Variants in XPNPEP3 observed in about 807,000 individuals in gnomAD.
XPNPEP3 encodes X-prolyl aminopeptidase 3.
XPNPEP3 carries 41 observed loss-of-function variants against 60.0 expected under a neutral mutation model. The ratio of observed to expected loss-of-function variants is 0.68; its 90% confidence interval spans 0.53 to 0.89. The LOEUF is 0.89. Among genes scored for constraint, XPNPEP3 ranks in the 40% least tolerant of loss-of-function variants. XPNPEP3 has a pLI of 0.00. For synonymous variants in XPNPEP3, 212 were observed against 223.2 expected (o/e 0.95, Z 0.45); for missense variants, 598 against 638.9 (o/e 0.94, Z 0.69).
Position 40,924,361 on chromosome 22 carries a change from G to C in XPNPEP3, c.1237-1G>C. On this transcript the variant is annotated splice_acceptor_variant, in intron 8 of 9. Coordinates refer to ENST00000357137, the MANE Select transcript of XPNPEP3 (RefSeq NM_022098.4). LOFTEE classifies it high-confidence loss of function. ...GATACTGTGACAATTATCTTTTCCA[G>C]GCTGCTCGAAAATACTGTCCTCATC... The C allele has an allele frequency of 6.2e-7, 1 of 1,614,090 alleles. No individual in the cohort carries two copies. The highest frequency in any genetic ancestry group is 8.5e-7 in the Non-Finnish European group (1 of 1,180,000).
intron 4 of XPNPEP3, among the ~76,000 whole-genome samples, chr22:40,904,314 G>A (rs1221644102): frequency 6.6e-6 from 1 of 152,172 alleles, no homozygotes; most frequent in Non-Finnish European, 1.5e-5. Flanking sequence ...GCAAGATTAG[G>A]CATTTGATCA....
intron 2 of XPNPEP3, 23 bp from the exon 3 acceptor site, chr22:40,881,747 T>TTTTA (rs1380139390): frequency 6.2e-7 from 1 of 1,613,456 alleles, no homozygotes; most frequent in Non-Finnish European, 8.5e-7. Context: ...ATGTAAAGCA[T>TTTTA]CCCTTTTATT....
Position 40,931,489 on chromosome 22 carries a change from TGGTCACTTGA to T in XPNPEP3, c.*5056_*5065del, listed in dbSNP as rs1488670928. ...AGCACTTTGGGAGACCAAGGAGGGA[TGGTCACTTGA>T]GCCCAGGAGTTTGAGACCAGCCTAG... On this transcript the variant is annotated 3_prime_UTR_variant, in exon 10 of 10. Transcript: ENST00000357137. The T allele has an allele frequency of 6.6e-6, 1 of 152,194 alleles. No homozygotes were observed. The highest frequency in any genetic ancestry group is 6.6e-5 in the Admixed American group (1 of 15,254). 9.4% of individuals were successfully genotyped at this position (152,194 alleles called of 1,614,324 possible). A position where few individuals can be genotyped will look rare whatever the true frequency, so the allele number is the denominator to read the frequency against.
chr22:40,926,530 A>C lies in XPNPEP3; in HGVS notation c.*95A>C. The stretch of plus-strand genomic sequence containing the variant: ...TCTGAGTGTCTCTGTGTGTGCATTA[A>C]TATATGCATTCCATTTGGGAGCATA... On this transcript the variant is annotated 3_prime_UTR_variant, in exon 10 of 10. Coordinates refer to ENST00000357137, the MANE Select transcript of XPNPEP3 (RefSeq NM_022098.4). 7.1e-7 allele frequency: 1 copy of C among 1,413,276 alleles called. No individual in the cohort carries two copies. The highest frequency in any genetic ancestry group is 1.7e-5 in the Admixed American group (1 of 59,682). 87.5% of individuals were successfully genotyped at this position (1,413,276 alleles called of 1,614,324 possible).
At chr22:40,906,740 A>C (rs1381503167) in intron 4 of XPNPEP3, among the ~76,000 whole-genome samples, 3 of 152,248 alleles carry the variant, frequency 2.0e-5, no homozygotes, top group African/African-American at 7.2e-5. Flanking sequence ...ACAAATGTAT[A>C]TCTTAGTATG....
chr22:40,895,999 A>G (rs755055565), intron 4 of XPNPEP3, among the ~76,000 whole-genome samples: 2 of 152,186 alleles, frequency 1.3e-5, no homozygotes, highest in Non-Finnish European at 2.9e-5. Flanking sequence ...TTCATCTCTT[A>G]CCATGCTGAT....
chr22:40,923,911 G>A (rs2058225496), intron 8 of XPNPEP3, among the ~76,000 whole-genome samples: 1 of 152,116 alleles, frequency 6.6e-6, no homozygotes. Context: ...TTCTCCACAA[G>A]TTGCTGTGAG....
intron 7 of XPNPEP3, among the ~76,000 whole-genome samples, chr22:40,919,812 C>A (rs1039123281): frequency 6.6e-6 from 1 of 152,134 alleles, no homozygotes; most frequent in African/African-American, 2.4e-5. Flanking sequence ...TCTGTTCATA[C>A]AATGGAATAC....
intron 1 of XPNPEP3, 70 bp downstream of exon 1, chr22:40,857,315 C>G: frequency 6.4e-7 from 1 of 1,568,878 alleles, no homozygotes; most frequent in South Asian, 1.1e-5. Flanking sequence ...CTCAGGCGAT[C>G]CCTGGTTCGG....
At chr22:40,894,157 A>T (rs1181432606) in intron 4 of XPNPEP3, among the ~76,000 whole-genome samples, 1 of 152,186 alleles carries the variant, frequency 6.6e-6, no homozygotes, top group Non-Finnish European at 1.5e-5. Context: ...TTCTGTGAGT[A>T]GCCACTGCAC....
intron 1 of XPNPEP3, among the ~76,000 whole-genome samples, chr22:40,863,371 G>A (rs2057961765): frequency 6.6e-6 from 1 of 152,166 alleles, no homozygotes; most frequent in Non-Finnish European, 1.5e-5. Flanking sequence ...TATTGTCTGA[G>A]AAAATTCCCT....
chr22:40,926,352 A>G lies in XPNPEP3; in HGVS notation c.1441A>G (p.Thr481Ala). The change falls in exon 10 of 10, where the codon ACT becomes GCT. Residue 481 changes from threonine (T) to alanine (A), a missense_variant. By Grantham distance (58) the Thr-to-Ala change is moderately conservative. Transcript: ENST00000357137. ...ACGAATTGAGGATGATGTAGTGGTGACTCAGGACTCACCTCTCATCCTTTC... is the reference window on the plus strand; with the variant it reads ...ACGAATTGAGGATGATGTAGTGGTGGCTCAGGACTCACCTCTCATCCTTTC... Reference protein sequence around the residue: ...GVRIEDDVVVTQDSPLILSAD... With the variant: ...GVRIEDDVVVAQDSPLILSAD... The G allele has an allele frequency of 6.2e-7, 1 of 1,614,142 alleles. No individual in the cohort carries two copies. Among genetic ancestry groups the G allele is most frequent in the Non-Finnish European group, 8.5e-7 (1 of 1,180,032 alleles).
Position 40,930,574 on chromosome 22 carries a change from T to C in XPNPEP3, c.*4139T>C, listed in dbSNP as rs2058251299. ...CATTTATTTGTGTTGAGCCTTTAGT[T>C]CTTTTTTTTTTTTGAGATAGAGTCT... On this transcript the variant is annotated 3_prime_UTR_variant, in exon 10 of 10. Coordinates refer to ENST00000357137, the MANE Select transcript of XPNPEP3 (RefSeq NM_022098.4). 1 of 151,620 alleles carries C rather than the reference T, an allele frequency of 6.6e-6. No homozygotes were observed. The highest frequency in any genetic ancestry group is 1.5e-5 in the Non-Finnish European group (1 of 67,928). 9.4% of individuals were successfully genotyped at this position (151,620 alleles called of 1,614,324 possible). A position where few individuals can be genotyped will look rare whatever the true frequency, so the allele number is the denominator to read the frequency against.
intron 4 of XPNPEP3, among the ~76,000 whole-genome samples, chr22:40,896,326 G>T (rs996559572): frequency 6.6e-6 from 1 of 152,082 alleles, no homozygotes; most frequent in Non-Finnish European, 1.5e-5. Context: ...ACCATGCCTG[G>T]CCTCTGTGTG....
chr22:40,862,461 T>TA (rs2057956129), intron 1 of XPNPEP3: 3 of 986,544 alleles, frequency 3.0e-6, no homozygotes, highest in Non-Finnish European at 3.6e-6. Flanking sequence ...AGTACTGACT[T>TA]ACGGGTGAAG....
intron 1 of XPNPEP3, among the ~76,000 whole-genome samples, chr22:40,859,260 G>A (rs146575126): frequency 1.1e-3 from 160 of 152,296 alleles, no homozygotes; most frequent in Non-Finnish European, 1.8e-3. Context: ...TGGCTGGCTC[G>A]TGGAGGGCCT....
At chr22:40,887,351 A>G (rs922357852) in intron 4 of XPNPEP3, among the ~76,000 whole-genome samples, 3 of 152,094 alleles carry the variant, frequency 2.0e-5, no homozygotes, top group Non-Finnish European at 4.4e-5. Context: ...ATTAGGAATC[A>G]CCAGTGTTGT....
At chr22:40,926,195 A>T in intron 9 of XPNPEP3, 74 bp from the exon 10 acceptor site, 2 of 1,500,972 alleles carry the variant, frequency 1.3e-6, no homozygotes, top group South Asian at 2.3e-5. Flanking sequence ...TTTAACCCAG[A>T]GGTTAACTTA....
At chr22:40,868,446 T>TGTGA (rs2057989505) in intron 1 of XPNPEP3, among the ~76,000 whole-genome samples, 2 of 151,838 alleles carry the variant, frequency 1.3e-5, no homozygotes, top group African/African-American at 4.8e-5. Flanking sequence ...TGTGTGTGTG[T>TGTGA]GTGTGTGTAT....
Sources: allele counts gnomAD v4.1 joint callset (sites outside exome capture counted in the v4.1 genomes callset), GRCh38; gene constraint gnomAD v4.1.1; transcripts MANE v1.5; gene names NCBI Gene and HGNC (gene_info 2026-07-23, HGNC 2026-07-21).